The following ARHGEF37 variants were observed in gnomAD, a reference collection of about 807,000 sequenced individuals.
The protein encoded by ARHGEF37 is Rho guanine nucleotide exchange factor (GEF) 37.
A neutral mutation model predicts 71.1 loss-of-function variants in ARHGEF37; 55 were observed. The ratio of observed to expected loss-of-function variants is 0.77; its 90% CI spans 0.62 to 0.97. The LOEUF (loss-of-function observed/expected upper bound fraction) is 0.97, where lower values mean the gene tolerates loss of function less well. Ranked by LOEUF, ARHGEF37 falls within the 50% of genes least tolerant of loss-of-function variation. The pLI, the probability that ARHGEF37 is intolerant of heterozygous loss-of-function variation, is 0.00. For missense variants in ARHGEF37, 765 were observed against 836.8 expected, an observed-to-expected ratio of 0.91 and a Z score of 1.06; for synonymous variants, 327 against 350.6, an observed-to-expected ratio of 0.93 and a Z score of 0.75.
chr5:149,629,728 G>A (rs1406854053), intron 12 of ARHGEF37, among the ~76,000 whole-genome samples: 4 of 152,190 alleles, frequency 2.6e-5, no homozygotes, highest in Non-Finnish European at 5.9e-5. Context: ...AAGAGCAATG[G>A]GCAGCATGTG....
At chr5:149,591,747 T>TTTGA in intron 1 of ARHGEF37, among the ~76,000 whole-genome samples, 2 of 152,344 alleles carry the variant, frequency 1.3e-5, no homozygotes. Context: ...CTTTCAATAC[T>TTTGA]GTATTCAATT....
chr5:149,580,487 A>G (rs1763085697), upstream of ARHGEF37, among the ~76,000 whole-genome samples: 2 of 152,068 alleles, frequency 1.3e-5, no homozygotes, highest in Non-Finnish European at 2.9e-5. Flanking sequence ...GTGGTTAAGC[A>G]GCCTGAACCC....
rs1419033690 is a variant in ARHGEF37 at position 149,562,362 on chromosome 5, G to A, written c.-12+10239G>A. On this transcript the variant is annotated intron_variant, in intron 1 of 2. Coordinates refer to the ARHGEF37 transcript ENST00000505810. ...TTTTCCTGGCCAGTATAAGAGCTAG[G>A]TAACTGCAGCTATTGTATCCATCGT... is the stretch of plus-strand genomic sequence containing the variant. Among the ~76,000 whole-genome samples, 24 of 152,206 alleles carry A rather than the reference G, an allele frequency of 1.6e-4. 1 individual carries two copies. Among genetic ancestry groups the A allele is most frequent in the Admixed American group, 1.6e-3 (24 of 15,280 alleles).
At position 149,624,100 on chromosome 5, in the gene ARHGEF37, A is replaced by C; in HGVS notation, c.1424A>C (p.Gln475Pro). The part of the protein sequence containing the change: ...GRTSNQLRSF[Q>P]ETFEKVQPPP... ...ACGAGTAACCAGCTTCGCTCCTTTC[A>C]AGAGACCTTTGAGAAAGTGCAGCCA... Residue 475 changes from glutamine (Q) to proline (P), a missense_variant, in exon 10 of 13, where the codon CAA (glutamine) becomes CCA (proline). Around this residue, in one of 5 missense-constraint regions of ARHGEF37, gnomAD observed 390 missense variants for 407.4 expected, o/e 0.96. Coordinates refer to ENST00000333677, the MANE Select transcript of ARHGEF37 (RefSeq NM_001001669.3). 1 of 1,611,674 alleles carries C rather than the reference A, an allele frequency of 6.2e-7. No individual in the cohort carries two copies. The highest frequency in any genetic ancestry group is 1.1e-5 in the South Asian group (1 of 90,972).
At chr5:149,580,847 A>G (rs1259722124), upstream of ARHGEF37, among the ~76,000 whole-genome samples, 2 of 152,220 alleles carry the variant, frequency 1.3e-5, no homozygotes, top group East Asian at 3.8e-4. Flanking sequence ...TTGCCCCGAT[A>G]TGAAACTTTA....
At chr5:149,590,255 C>G (rs1174765528) in intron 1 of ARHGEF37, among the ~76,000 whole-genome samples, 1 of 151,032 alleles carries the variant, frequency 6.6e-6, no homozygotes, top group Non-Finnish European at 1.5e-5. Context: ...TAGCTTGCTG[C>G]AGAAGTATTA....
At chr5:149,630,534 G>A (rs542975397) in intron 12 of ARHGEF37, among the ~76,000 whole-genome samples, 6 of 152,118 alleles carry the variant, frequency 3.9e-5, no homozygotes, top group African/African-American at 1.2e-4. Context: ...CACACCCACC[G>A]GGAAGGCTGT....
In ARHGEF37 at chr5:149,620,829, C is replaced by CAAAAAAAAAA. The variant is rs66996935; in HGVS notation, c.1005+372_1005+373insAAAAAAAAAA. Among the ~76,000 whole-genome samples, 424 of 144,746 alleles carry CAAAAAAAAAA rather than the reference C, an allele frequency of 2.9e-3. 8 individuals are homozygous for CAAAAAAAAAA. The highest frequency in any genetic ancestry group is 7.6e-3 in the African/African-American group (297 of 38,980). The allele number at this position is 144,746 out of a possible 152,430, so 95.0% of individuals were successfully genotyped here. A position where few individuals can be genotyped will look rare whatever the true frequency, so the allele number is the denominator to read the frequency against. ...CCGGAGACAGAGTGAGACTCCTTCT[C>CAAAAAAAAAA]AAAAAAAGAAGTCAGGCACTTTACA... On this transcript the variant is annotated intron_variant, in intron 8 of 12. Transcript: ENST00000333677.
At chr5:149,609,858 C>T (rs1268734065) in intron 4 of ARHGEF37, among the ~76,000 whole-genome samples, 163 bp downstream of exon 4, 4 of 152,212 alleles carry the variant, frequency 2.6e-5, no homozygotes, top group Admixed American at 2.6e-4. Flanking sequence ...CAGAGACAAA[C>T]AGCTCCCACA....
At chr5:149,580,433 A>G (rs1763085132), upstream of ARHGEF37, among the ~76,000 whole-genome samples, 1 of 151,994 alleles carries the variant, frequency 6.6e-6, no homozygotes, top group Admixed American at 6.6e-5. Flanking sequence ...CACATTCAAG[A>G]GGAGACACTT....
At chr5:149,630,485 G>A (rs1281204538) in intron 12 of ARHGEF37, among the ~76,000 whole-genome samples, 1 of 152,182 alleles carries the variant, frequency 6.6e-6, no homozygotes, top group African/African-American at 2.4e-5. Flanking sequence ...TGTGAGTGCT[G>A]CATAGGTGTC....
chr5:149,628,829 G>C lies in ARHGEF37; in HGVS notation c.1681G>C (p.Ala561Pro). The C allele has an allele frequency of 1.2e-6, 2 of 1,613,364 alleles. No homozygotes were observed. The highest frequency in any genetic ancestry group is 2.2e-5 in the East Asian group (1 of 44,882). Residue 561 changes from alanine to proline, a missense_variant, in exon 12 of 13, where the codon GCT (alanine) becomes CCT (proline). Coordinates refer to ENST00000333677, the MANE Select transcript of ARHGEF37 (RefSeq NM_001001669.3). Reference sequence around the variant, plus strand: ...CCTAGGACATCGTGGGTATGTGCCGGCTGGGAAACTACAGCTGTACCATGT... The same window carrying C: ...CCTAGGACATCGTGGGTATGTGCCGCCTGGGAAACTACAGCTGTACCATGT... ...DTGGHRGYVP[A>P]GKLQLYHVVP...
chr5:149,624,635 G>C (rs759796991), intron 10 of ARHGEF37, among the ~76,000 whole-genome samples: 2 of 80,732 alleles, frequency 2.5e-5, no homozygotes, highest in African/African-American at 6.0e-5. Context: ...TTAGCTGAGC[G>C]TGGTGGTGTG....
At chr5:149,604,765 C>A (rs1457767444) in intron 3 of ARHGEF37, among the ~76,000 whole-genome samples, 1 of 150,496 alleles carries the variant, frequency 6.6e-6, no homozygotes, top group Admixed American at 6.6e-5. Flanking sequence ...TCACTGCAAC[C>A]TCTGCCTCCT....
At chr5:149,553,127 G>GT (rs1474332792) in intron 1 of ARHGEF37, among the ~76,000 whole-genome samples, 2 of 151,788 alleles carry the variant, frequency 1.3e-5, no homozygotes, top group Non-Finnish European at 2.9e-5. Context: ...GCCGGGCATG[G>GT]TGGGCTCACA....
chr5:149,565,250 C>T (rs955799182), intron 1 of ARHGEF37, among the ~76,000 whole-genome samples: 3 of 152,202 alleles, frequency 2.0e-5, no homozygotes, highest in Non-Finnish European at 4.4e-5. Context: ...AGTGCCATCT[C>T]ACTGTATTAT....
intron 7 of ARHGEF37, 54 bp downstream of exon 7, chr5:149,619,096 A>G (rs1401111873): frequency 6.7e-7 from 1 of 1,495,580 alleles, no homozygotes; most frequent in Non-Finnish European, 9.3e-7. Context: ...TTCCCCTGGC[A>G]GGAGGCTTGC....
Position 149,620,395 on chromosome 5 carries a change from C to T in ARHGEF37, c.936C>T (p.Ile312=), listed in dbSNP as rs969696845. ...GGCCGCACGAATACAATCTGGACAT[C>T]CCCGAGGGGCCTGCAGTGCAGTATT... The part of the protein sequence containing the change: ...YFRPHEYNLD[I]PEGPAVQYCN... The change falls in exon 8 of 13, where the codon ATC becomes ATT. Residue 312 remains isoleucine, a synonymous_variant. Coordinates refer to ENST00000333677, the MANE Select transcript of ARHGEF37 (RefSeq NM_001001669.3). 1.2e-6 allele frequency: 2 copies of T among 1,612,524 alleles called. No homozygotes were observed. The highest frequency in any genetic ancestry group is 2.7e-5 in the African/African-American group (2 of 74,796).
intron 1 of ARHGEF37, among the ~76,000 whole-genome samples, chr5:149,586,867 A>G (rs923071681): frequency 1.3e-5 from 2 of 152,144 alleles, no homozygotes; most frequent in Non-Finnish European, 2.9e-5. Flanking sequence ...CAAGAGACTG[A>G]CAACACCTTC....
Sources: allele counts gnomAD v4.1 joint callset (sites outside exome capture counted in the v4.1 genomes callset), GRCh38; gene constraint gnomAD v4.1.1; regional missense constraint gnomAD v4.1.1; transcripts MANE v1.5; gene names NCBI Gene and HGNC (gene_info 2026-07-23, HGNC 2026-07-21).